Variants in URAD observed in about 807,000 individuals in gnomAD.
The protein encoded by URAD is ureidoimidazoline (2-oxo-4-hydroxy-4-carboxy-5-) decarboxylase.
In URAD, 4 loss-of-function variants were observed where a neutral mutation model predicts 4.6. That is an observed-to-expected ratio of 0.87 (90% confidence interval 0.43 to 1.98). The LOEUF (loss-of-function observed/expected upper bound fraction) is 1.98, where lower values mean the gene tolerates loss of function less well. Ranked by LOEUF, URAD falls within the 30% of genes most tolerant of loss-of-function variation. URAD has a pLI of 0.03. For synonymous variants in URAD, 144 were observed against 118.2 expected (o/e 1.22, Z -1.41); for missense variants, 300 against 255.3 (o/e 1.18, Z -1.19).
intron 1 of URAD, among the ~76,000 whole-genome samples, chr13:27,985,121 C>T (rs1044920433): frequency 1.3e-5 from 2 of 152,138 alleles, no homozygotes; most frequent in African/African-American, 4.8e-5. Context: ...TATCTATCAC[C>T]TCACATATTT....
rs1162734545 is a variant in URAD at position 27,978,347 on chromosome 13, C to T, written c.281G>A (p.Arg94Lys). The T allele has an allele frequency of 4.0e-5, 56 of 1,399,220 alleles. No individual in the cohort carries two copies. Among genetic ancestry groups the T allele is most frequent in the Non-Finnish European group, 5.0e-5 (54 of 1,084,562 alleles). The allele number at this position is 1,399,220 out of a possible 1,614,324, so 86.7% of individuals were successfully genotyped here. A position where few individuals can be genotyped will look rare whatever the true frequency, so the allele number is the denominator to read the frequency against. ...CAGCCGCTCGTCCGCGCCCAGGCTC[C>T]TCAGGCCTGCGCCGCTCTGTTCCCG... The part of the protein sequence containing the change: ...SQREQSGAGL[R>K]SLGADERLRL... The change falls in exon 2 of 2, where the codon AGG becomes AAG. Residue 94 changes from arginine (R) to lysine (K), a missense_variant. By Grantham distance (26) the Arg-to-Lys change is conservative (BLOSUM62 2). Coordinates refer to ENST00000332715, the MANE Select transcript of URAD (RefSeq NM_001105577.2).
intron 1 of URAD, 63 bp from the exon 2 acceptor site, chr13:27,978,515 C>G: frequency 2.5e-6 from 3 of 1,206,254 alleles, no homozygotes; most frequent in Non-Finnish European, 3.1e-6. Context: ...ACCGCGCACT[C>G]GAGGGGGCGC....
intron 1 of URAD, among the ~76,000 whole-genome samples, chr13:27,985,821 CAAT>C (rs1870011046): frequency 6.6e-6 from 1 of 152,044 alleles, no homozygotes; most frequent in Non-Finnish European, 1.5e-5. Flanking sequence ...AGAATGGGAG[CAAT>C]AATAATACTA....
chr13:27,978,488 A>C, intron 1 of URAD, 36 bp from the exon 2 acceptor site: 2 of 1,291,086 alleles, frequency 1.5e-6, no homozygotes, highest in Non-Finnish European at 2.0e-6. Context: ...GGAGCGCGTC[A>C]ACCGCGCCCG....
In URAD at chr13:27,978,131, A is replaced by G. The variant is rs764133996; in HGVS notation, c.497T>C (p.Leu166Pro). 5.7e-5 allele frequency: 87 copies of G among 1,527,274 alleles called. 1 individual carries two copies. The East Asian group carries it at 1.5e-3, about 27-fold the overall frequency. The allele number at this position is 1,527,274 out of a possible 1,614,324, so 94.6% of individuals were successfully genotyped here. The change falls in exon 2 of 2, where the codon CTC (leucine) becomes CCC (proline). Residue 166 changes from leucine (L) to proline (P), a missense_variant. Leu to Pro is a moderately conservative substitution (Grantham distance 98). Transcript: ENST00000332715. ...CTACAGCTTGGCGGGGTCTGCGCGGAGGAGGTCGGCCAGGCGCAGGCTGCC... is the reference window on the plus strand; with the variant it reads ...CTACAGCTTGGCGGGGTCTGCGCGGGGGAGGTCGGCCAGGCGCAGGCTGCC... ...KIGSLRLADL[L>P]RADPAKL is the part of the protein sequence containing the mutation.
chr13:27,978,885 G>C (rs185443184), intron 1 of URAD, among the ~76,000 whole-genome samples: 47 of 152,262 alleles, frequency 3.1e-4, no homozygotes, highest in African/African-American at 1.1e-3. Flanking sequence ...TGCTCTCAGG[G>C]GGGGCTTTGA....
At chr13:27,984,221 C>G (rs1869954876) in intron 1 of URAD, among the ~76,000 whole-genome samples, 1 of 152,158 alleles carries the variant, frequency 6.6e-6, no homozygotes, top group South Asian at 2.1e-4. Flanking sequence ...CGGAAATGCA[C>G]AGTTAATTAA....
chr13:27,983,952 T>C (rs1338803191), intron 1 of URAD, among the ~76,000 whole-genome samples: 5 of 152,242 alleles, frequency 3.3e-5, no homozygotes, highest in African/African-American at 1.2e-4. Flanking sequence ...ATAAGGAACT[T>C]ATTAGTATCC....
Position 27,978,214 on chromosome 13 carries a change from C to G in URAD, c.414G>C (p.Arg138=), listed in dbSNP as rs1869769154. The change falls in exon 2 of 2, where the codon CGG becomes CGC. Residue 138 remains arginine (R), a synonymous_variant. Coordinates refer to ENST00000332715, the MANE Select transcript of URAD (RefSeq NM_001105577.2). ...RTAVPRELAR[R]LLCPSAQELR... ...GCTCCTGCGCGGACGGGCAGAGCAG[C>G]CGGCGCGCCAGCTCGCGCGGCACCG... is the stretch of plus-strand genomic sequence containing the variant. 4.1e-6 allele frequency: 6 copies of G among 1,479,886 alleles called. No homozygotes were observed. The highest frequency in any genetic ancestry group is 5.3e-6 in the Non-Finnish European group (6 of 1,126,528). The allele number at this position is 1,479,886 out of a possible 1,614,324, so 91.7% of individuals were successfully genotyped here.
chr13:27,988,353 A>C, intron 1 of URAD, 110 bp downstream of exon 1: 1 of 1,111,328 alleles, frequency 9.0e-7, no homozygotes, highest in Non-Finnish European at 1.2e-6. Context: ...CAGCCTCCCA[A>C]AGTGCTGGGA....
At chr13:27,985,289 C>G (rs182160698) in intron 1 of URAD, among the ~76,000 whole-genome samples, 11 of 152,072 alleles carry the variant, frequency 7.2e-5, no homozygotes, top group Admixed American at 7.2e-4. Flanking sequence ...GAAACCCCAT[C>G]TCTACTAAAA....
intron 1 of URAD, among the ~76,000 whole-genome samples, chr13:27,980,707 C>G (rs1443401088): frequency 6.6e-6 from 1 of 152,160 alleles, no homozygotes; most frequent in Non-Finnish European, 1.5e-5. Flanking sequence ...CGTCTTGCCG[C>G]CCCCACCAGG....
intron 1 of URAD, among the ~76,000 whole-genome samples, chr13:27,981,630 G>A (rs118124250): frequency 2.0e-5 from 3 of 152,280 alleles, no homozygotes; most frequent in East Asian, 3.9e-4. Flanking sequence ...TCAGAATCCC[G>A]TAACAGTCCA....
chr13:27,985,402 G>A (rs1438998236), intron 1 of URAD, among the ~76,000 whole-genome samples: 1 of 152,158 alleles, frequency 6.6e-6, no homozygotes, highest in African/African-American at 2.4e-5. Context: ...AGGATGCAGT[G>A]AGCCAAGATG....
At position 27,978,156 on chromosome 13, in the gene URAD, C is replaced by T. The variant is rs774894906; in HGVS notation, c.472G>A (p.Gly158Ser). ...RTALGEVKKI[G>S]SLRLADLLRA... ...AGGAGGTCGGCCAGGCGCAGGCTGC[C>T]GATCTTCTTCACCTCGCCCAGAGCA... is the stretch of plus-strand genomic sequence containing the variant. Residue 158 changes from glycine to serine, a missense_variant, in exon 2 of 2, where the codon GGC becomes AGC. By Grantham distance (56) the Gly-to-Ser change is moderately conservative (BLOSUM62 0). Transcript: ENST00000332715. The T allele has an allele frequency of 6.5e-7, 1 of 1,534,256 alleles. No homozygotes were observed. Among genetic ancestry groups the T allele is most frequent in the Admixed American group, 2.0e-5 (1 of 51,056 alleles).
rs1288615692 is a variant in URAD at position 27,978,295 on chromosome 13, G to C, written c.333C>G (p.Tyr111Ter). The change falls in exon 2 of 2, where the codon TAC becomes TAG. Residue 111 changes from tyrosine (Y) to a stop codon, truncating the protein, a stop_gained. Transcript: ENST00000332715. LOFTEE classifies it low-confidence loss of function (END_TRUNC). The stretch of plus-strand genomic sequence containing the variant: ...CGAAGGGGAAACCGAAGCGCGCGCG[G>C]TACTGCGCGTTGAGCTCGGCCAGCC... ...RLRLAELNAQ[Y>*]RARFGFPFVL... 7.1e-7 allele frequency: 1 copy of C among 1,410,260 alleles called. No individual in the cohort carries two copies. The highest frequency in any genetic ancestry group is 3.3e-5 in the Admixed American group (1 of 30,766). 87.4% of individuals were successfully genotyped at this position (1,410,260 alleles called of 1,614,324 possible).
At position 27,978,535 on chromosome 13, in the gene URAD, G is replaced by T. The variant is rs1744011442; in HGVS notation, c.176-83C>A. The stretch of plus-strand genomic sequence containing the variant: ...GCACTCGAGGGGGCGCGTAGGCCGC[G>T]CCCGGCCCCCCTGCCCCGCCCCGCC... On this transcript the variant is annotated intron_variant, in intron 1 of 1. Coordinates refer to ENST00000332715, the MANE Select transcript of URAD (RefSeq NM_001105577.2). 1.1e-5 allele frequency: 12 copies of T among 1,106,088 alleles called. No homozygotes were observed. The Admixed American group carries it at 1.3e-4, about 12-fold the overall frequency. 68.5% of individuals were successfully genotyped at this position (1,106,088 alleles called of 1,614,324 possible). A position where few individuals can be genotyped will look rare whatever the true frequency, so the allele number is the denominator to read the frequency against.
rs1870102538 is a variant in URAD at position 27,988,534 on chromosome 13, T to C, written c.104A>G (p.Gln35Arg). The change falls in exon 1 of 2, where the codon CAG (glutamine) becomes CGG (arginine). Residue 35 changes from glutamine (Q) to arginine (R), a missense_variant. Transcript: ENST00000332715. Reference protein sequence around the residue: ...CPLIAAAVWSQRPFSDLEDLE... With the variant: ...CPLIAAAVWSRRPFSDLEDLE... ...ATCTTCCAAATCAGAGAATGGCCGC[T>C]GGGACCAAACAGCAGCTGCAATCAG... 6.2e-7 allele frequency: 1 copy of C among 1,613,850 alleles called. No individual in the cohort carries two copies. The highest frequency in any genetic ancestry group is 8.5e-7 in the Non-Finnish European group (1 of 1,179,864).
At chr13:27,984,673 A>T (rs1236947650) in intron 1 of URAD, among the ~76,000 whole-genome samples, 1 of 152,206 alleles carries the variant, frequency 6.6e-6, no homozygotes, top group Non-Finnish European at 1.5e-5. Context: ...GGGTAAAGCT[A>T]GACTGTAATA....
Sources: gnomAD v4.1 joint callset for allele counts (sites outside exome capture counted in the v4.1 genomes callset) on GRCh38, gnomAD v4.1.1 for gene constraint, MANE v1.5 for transcripts, NCBI Gene and HGNC (gene_info 2026-07-23, HGNC 2026-07-21) for gene names.